TNFRSF19: variants seen among roughly 807,000 people sequenced by gnomAD.
The protein encoded by TNFRSF19 is tumor necrosis factor receptor superfamily member 19.
In TNFRSF19, 27 loss-of-function variants were observed where a neutral mutation model predicts 46.4. The observed-to-expected ratio is 0.58, with a 90% confidence interval of 0.43 to 0.80. The LOEUF (loss-of-function observed/expected upper bound fraction) is 0.80, where lower values mean the gene tolerates loss of function less well. Among genes scored for constraint, TNFRSF19 ranks in the 30% least tolerant of loss-of-function variants. TNFRSF19 has a pLI of 0.00. For synonymous variants in TNFRSF19, 204 were observed against 205.0 expected (o/e 1.00, Z 0.04); for missense variants, 511 against 530.8 (o/e 0.96, Z 0.37).
At chr13:23,596,553 A>G (rs1272959060) in intron 3 of TNFRSF19, among the ~76,000 whole-genome samples, 1 of 152,186 alleles carries the variant, frequency 6.6e-6, no homozygotes, top group African/African-American at 2.4e-5. Flanking sequence ...AGGGCTAACT[A>G]TCCTAAATAT....
intron 4 of TNFRSF19, among the ~76,000 whole-genome samples, chr13:23,622,544 G>A (rs549368595): frequency 8.5e-5 from 13 of 152,088 alleles, no homozygotes; most frequent in Admixed American, 3.9e-4. Flanking sequence ...TATTCTCTTC[G>A]ATTGTCAGGG....
At chr13:23,615,263 G>A (rs555248391) in intron 3 of TNFRSF19, among the ~76,000 whole-genome samples, 15 of 152,266 alleles carry the variant, frequency 9.9e-5, no homozygotes, top group African/African-American at 3.1e-4. Context: ...TTCAAATCTA[G>A]AGAAGCTTGA....
chr13:23,656,529 A>G (rs1449351316), intron 5 of TNFRSF19, among the ~76,000 whole-genome samples: 3 of 152,194 alleles, frequency 2.0e-5, no homozygotes, highest in African/African-American at 7.2e-5. Context: ...ATTTTTCTGA[A>G]TATCCAGTTT....
At chr13:23,669,843 T>A in intron 9 of TNFRSF19, 2 of 444,360 alleles carry the variant, frequency 4.5e-6, no homozygotes, top group Non-Finnish European at 6.0e-6. Context: ...AAACATTTCC[T>A]TAAATGGGAG....
chr13:23,667,469 C>T (rs1468064636), intron 7 of TNFRSF19, among the ~76,000 whole-genome samples: 2 of 152,196 alleles, frequency 1.3e-5, no homozygotes, highest in Admixed American at 1.3e-4. Flanking sequence ...GAAAGTTGTC[C>T]TGCTCCTCCT....
chr13:23,585,133 T>A (rs1305104398), intron 1 of TNFRSF19, among the ~76,000 whole-genome samples: 2 of 152,246 alleles, frequency 1.3e-5, no homozygotes, highest in Admixed American at 6.5e-5. Flanking sequence ...ATCAACATTT[T>A]AAAAATGTTT....
chr13:23,630,512 G>A (rs1246259443), intron 5 of TNFRSF19, among the ~76,000 whole-genome samples: 1 of 152,124 alleles, frequency 6.6e-6, no homozygotes, highest in Non-Finnish European at 1.5e-5. Context: ...TAGCCCGTCT[G>A]TCTGGGCACT....
In TNFRSF19 at chr13:23,674,375, G is replaced by A. The variant is rs1951797978; in HGVS notation, c.*995G>A. 6.6e-6 allele frequency: 1 copy of A among 152,224 alleles called. No homozygotes were observed. The highest frequency in any genetic ancestry group is 6.5e-5 in the Admixed American group (1 of 15,288). 9.4% of individuals were successfully genotyped at this position (152,224 alleles called of 1,614,324 possible). On this transcript the variant is annotated 3_prime_UTR_variant, in exon 10 of 10. Transcript: ENST00000248484. ...GAGAACACACCACATGTTAGGACTAGAAGAAAATGCACAATTTGTAGGGGT... is the reference window on the plus strand; with the variant it reads ...GAGAACACACCACATGTTAGGACTAAAAGAAAATGCACAATTTGTAGGGGT...
intron 5 of TNFRSF19, among the ~76,000 whole-genome samples, chr13:23,646,907 A>G (rs1015575499): frequency 1.3e-5 from 2 of 152,334 alleles, no homozygotes; most frequent in South Asian, 2.1e-4. Context: ...ATAGTCATAC[A>G]TTCACACAGG....
chr13:23,594,207 G>GT (rs757053432), intron 3 of TNFRSF19: 492 of 439,986 alleles, frequency 1.1e-3, no homozygotes, highest in Middle Eastern at 4.3e-3. Flanking sequence ...AGCTGCAGGA[G>GT]TTTTTTTTTC....
At position 23,615,912 on chromosome 13, in the gene TNFRSF19, C is replaced by G; in HGVS notation, c.226C>G (p.Arg76Gly). ...YGEDAQCVTC[R>G]LHRFKEDWGF... ...GGAGGATGCACAGTGTGTGACGTGC[C>G]GGCTGCACAGGTTCAAGGAGGACTG... Residue 76 changes from arginine (R) to glycine (G), a missense_variant, in exon 4 of 10, where the codon CGG becomes GGG. Arg to Gly is a moderately radical substitution (Grantham distance 125, BLOSUM62 -2). Coordinates refer to ENST00000248484, the MANE Select transcript of TNFRSF19 (RefSeq NM_148957.4). The G allele has an allele frequency of 6.2e-7, 1 of 1,613,622 alleles. No individual in the cohort carries two copies. The highest frequency in any genetic ancestry group is 8.5e-7 in the Non-Finnish European group (1 of 1,179,686).
chr13:23,661,753 TATCTC>T (rs1365918157), intron 7 of TNFRSF19, among the ~76,000 whole-genome samples: 1 of 152,254 alleles, frequency 6.6e-6, no homozygotes, highest in East Asian at 1.9e-4. Flanking sequence ...TGTGAGATGG[TATCTC>T]TTTGTGGTTT....
At chr13:23,589,116 G>A (rs1443275544) in intron 1 of TNFRSF19, among the ~76,000 whole-genome samples, 1 of 152,018 alleles carries the variant, frequency 6.6e-6, no homozygotes. Context: ...GATCCACTTG[G>A]GATCTGTTAG....
chr13:23,585,739 C>A (rs1004803901), intron 1 of TNFRSF19, among the ~76,000 whole-genome samples: 4 of 152,084 alleles, frequency 2.6e-5, no homozygotes, highest in African/African-American at 7.2e-5. Context: ...GTGGTCAACT[C>A]CAGTGGCTGG....
intron 5 of TNFRSF19, among the ~76,000 whole-genome samples, chr13:23,631,626 T>C (rs895440181): frequency 1.3e-5 from 2 of 152,332 alleles, no homozygotes; most frequent in East Asian, 1.9e-4. Context: ...TAAATTATTT[T>C]AAAGTAAGAG....
intron 5 of TNFRSF19, among the ~76,000 whole-genome samples, chr13:23,653,964 G>A (rs367850628): frequency 1.5e-4 from 23 of 152,178 alleles, no homozygotes; most frequent in African/African-American, 5.3e-4. Context: ...CTAATAGAAT[G>A]TTCAGGCCCT....
At chr13:23,634,877 G>C (rs1453300692) in intron 5 of TNFRSF19, among the ~76,000 whole-genome samples, 2 of 152,136 alleles carry the variant, frequency 1.3e-5, no homozygotes, top group East Asian at 3.9e-4. Context: ...CTTTAAACTT[G>C]GGTGTCTAGC....
intron 5 of TNFRSF19, among the ~76,000 whole-genome samples, chr13:23,628,655 C>A (rs1882159053): frequency 6.6e-6 from 1 of 152,122 alleles, no homozygotes; most frequent in South Asian, 2.1e-4. Context: ...GCTCAGATAT[C>A]ACAAATTTGC....
chr13:23,628,537 C>G (rs1882154264), intron 5 of TNFRSF19, among the ~76,000 whole-genome samples: 1 of 152,148 alleles, frequency 6.6e-6, no homozygotes, highest in African/African-American at 2.4e-5. Flanking sequence ...ACTTTAGAGT[C>G]AGAAAGTCTT....
Sources: gnomAD v4.1 joint callset for allele counts (sites outside exome capture counted in the v4.1 genomes callset) on GRCh38, gnomAD v4.1.1 for gene constraint, MANE v1.5 for transcripts, NCBI Gene and HGNC (gene_info 2026-07-23, HGNC 2026-07-21) for gene names.